CCDC85C: variants seen among roughly 807,000 people sequenced by gnomAD.
CCDC85C encodes the protein coiled-coil domain containing 85C.
Under a neutral mutation model 38.3 loss-of-function variants are expected in CCDC85C, and 18 were observed. The ratio of observed to expected loss-of-function variants is 0.47; its 90% CI spans 0.33 to 0.70. The LOEUF is 0.70. Ranked by LOEUF, CCDC85C falls within the 30% of genes least tolerant of loss-of-function variation. The pLI, the probability that CCDC85C is intolerant of heterozygous loss-of-function variation, is 0.03. For synonymous variants in CCDC85C, 264 were observed against 293.8 expected (o/e 0.90, Z 1.04); for missense variants, 566 against 621.2 (o/e 0.91, Z 0.94).
At position 99,576,860 on chromosome 14, in the gene CCDC85C, C is replaced by T. The variant is rs2139969758; in HGVS notation, c.793+26307G>A. 6.6e-6 allele frequency among the ~76,000 whole-genome samples: 1 copy of T among 152,114 alleles called. No individual in the cohort carries two copies. Among genetic ancestry groups the T allele is most frequent in the East Asian group, 2.0e-4 (1 of 5,120 alleles). On this transcript the variant is annotated intron_variant, in intron 1 of 5. Transcript: ENST00000380243. This position sits in a 1 kb window ranked among gnomAD's most constrained non-coding sequence, Gnocchi z 4.8. ...GGTAAGCAACATGCCCAAGACAGCACAGCGGGGCAGCACTCTCTCCGGGTC... is the reference window on the plus strand; with the variant it reads ...GGTAAGCAACATGCCCAAGACAGCATAGCGGGGCAGCACTCTCTCCGGGTC...
At chr14:99,573,650 G>A (rs956439638) in intron 1 of CCDC85C, among the ~76,000 whole-genome samples, 7 of 152,210 alleles carry the variant, frequency 4.6e-5, no homozygotes, top group African/African-American at 1.7e-4. Context: ...TCCAGGGCAG[G>A]GGCCTGCAGC....
intron 1 of CCDC85C, among the ~76,000 whole-genome samples, chr14:99,539,218 C>G (rs1034741887): frequency 2.6e-5 from 4 of 152,172 alleles, no homozygotes; most frequent in African/African-American, 9.7e-5. Flanking sequence ...TGCCTGCAAT[C>G]CCAGCAATTT....
chr14:99,522,498 G>C, intron 2 of CCDC85C: 1 of 343,830 alleles, frequency 2.9e-6, no homozygotes, highest in East Asian at 5.8e-5. Flanking sequence ...TAAACAGAAT[G>C]AATGAATGAA....
intron 1 of CCDC85C, among the ~76,000 whole-genome samples, chr14:99,575,013 A>G (rs543766083): frequency 1.3e-5 from 2 of 152,322 alleles, no homozygotes; most frequent in South Asian, 2.1e-4. Flanking sequence ...GAGGGGCAGA[A>G]AGACTTCCTG....
chr14:99,516,939 G>C lies in CCDC85C; in HGVS notation c.1071+149C>G, dbSNP rs1595336251. On this transcript the variant is annotated intron_variant, in intron 4 of 5. Transcript: ENST00000380243. This position sits in a 1 kb window ranked among gnomAD's most constrained non-coding sequence, Gnocchi z 5.5. The stretch of plus-strand genomic sequence containing the variant: ...CCACCTCTGAGTTCAACCTCACAGT[G>C]CTCCAGGCAGCCATGGTCACCCAGC... 10 of 731,474 alleles carry C rather than the reference G, an allele frequency of 1.4e-5. No homozygotes were observed. In the East Asian group the frequency reaches 2.4e-4, roughly 18 times the overall value. The allele number at this position is 731,474 out of a possible 1,614,324, so 45.3% of individuals were successfully genotyped here. A position where few individuals can be genotyped will look rare whatever the true frequency, so the allele number is the denominator to read the frequency against.
At chr14:99,601,479 A>G (rs955326106) in intron 1 of CCDC85C, among the ~76,000 whole-genome samples, 11 of 152,318 alleles carry the variant, frequency 7.2e-5, no homozygotes, top group Admixed American at 2.0e-4. Flanking sequence ...CCAGCCCTCC[A>G]GTGTCCTGCA....
Position 99,507,350 on chromosome 14 carries a change from G to C in CCDC85C, c.*7896C>G. The C allele has an allele frequency of 1.8e-6, 1 of 569,968 alleles. No homozygotes were observed. Among genetic ancestry groups the C allele is most frequent in the Non-Finnish European group, 3.2e-6 (1 of 316,230 alleles). The allele number at this position is 569,968 out of a possible 1,614,324, so 35.3% of individuals were successfully genotyped here. ...CCAGCACTTTGGGAGGCGGAGGCAGGAGAATCACCTGACCCCAGGAGTTCG... is the reference window on the plus strand; with the variant it reads ...CCAGCACTTTGGGAGGCGGAGGCAGCAGAATCACCTGACCCCAGGAGTTCG... On this transcript the variant is annotated 3_prime_UTR_variant, in exon 6 of 6. Transcript: ENST00000380243.
intron 1 of CCDC85C, among the ~76,000 whole-genome samples, chr14:99,554,544 C>T (rs1897975059): frequency 6.6e-6 from 1 of 152,206 alleles, no homozygotes; most frequent in Non-Finnish European, 1.5e-5. Context: ...ATGCTGCCAG[C>T]TCCAAGCAGG....
At chr14:99,586,309 G>A (rs1417626621) in intron 1 of CCDC85C, among the ~76,000 whole-genome samples, 2 of 152,244 alleles carry the variant, frequency 1.3e-5, no homozygotes, top group Non-Finnish European at 2.9e-5. Context: ...GCCATCAGCA[G>A]GCACCAGAGG....
chr14:99,518,964 C>A (rs6575724), intron 3 of CCDC85C, among the ~76,000 whole-genome samples: 151,861 of 152,208 alleles, frequency 1, 75,760 homozygotes, highest in Middle Eastern at 1. Flanking sequence ...GGGGCCCCCA[C>A]CTGTACTAGA....
At chr14:99,539,966 G>A (rs543076406) in intron 1 of CCDC85C, among the ~76,000 whole-genome samples, 5 of 152,262 alleles carry the variant, frequency 3.3e-5, no homozygotes, top group African/African-American at 9.6e-5. Flanking sequence ...GGCCAACAAG[G>A]TGAAACCCCC....
Position 99,505,461 on chromosome 14 carries a change from A to G in CCDC85C, c.*9785T>C, listed in dbSNP as rs1163107071. On this transcript the variant is annotated 3_prime_UTR_variant, in exon 6 of 6. Transcript: ENST00000380243. Reference sequence around the variant, plus strand: ...TAAGACATCTCATTAGTAAAGCTTTATATTGGTTACATGTTGAAATAAAAT... The same window carrying G: ...TAAGACATCTCATTAGTAAAGCTTTGTATTGGTTACATGTTGAAATAAAAT... 1 of 152,194 alleles carries G rather than the reference A, an allele frequency of 6.6e-6. No individual in the cohort carries two copies. The highest frequency in any genetic ancestry group is 1.5e-5 in the Non-Finnish European group (1 of 68,024). The allele number at this position is 152,194 out of a possible 1,614,324, so 9.4% of individuals were successfully genotyped here. A position where few individuals can be genotyped will look rare whatever the true frequency, so the allele number is the denominator to read the frequency against.
intron 1 of CCDC85C, among the ~76,000 whole-genome samples, chr14:99,562,206 C>T (rs1898130427): frequency 6.6e-6 from 1 of 152,130 alleles, no homozygotes; most frequent in South Asian, 2.1e-4. Flanking sequence ...TGACCCTCTG[C>T]CCCCGGGCCT....
At chr14:99,541,661 C>G (rs1258947296) in intron 1 of CCDC85C, among the ~76,000 whole-genome samples, 1 of 152,140 alleles carries the variant, frequency 6.6e-6, no homozygotes, top group Non-Finnish European at 1.5e-5. Flanking sequence ...CAGCACTGCC[C>G]AAGAGGAGAA....
At position 99,603,491 on chromosome 14, in the gene CCDC85C, C is replaced by A; in HGVS notation, c.469G>T (p.Ala157Ser). The change falls in exon 1 of 6, where the codon GCA becomes TCA. Residue 157 changes from alanine (A) to serine (S), a missense_variant. This residue lies in a region of CCDC85C where 269 missense variants were observed against 308.2 expected (regional missense o/e 0.87). Transcript: ENST00000380243. This position sits in a 1 kb window ranked among gnomAD's most constrained non-coding sequence, Gnocchi z 7.5. The stretch of plus-strand genomic sequence containing the variant: ...CTTGCGGCCCCCGTCGCCGCCAGTG[C>A]CGCGCGCTCCTCGTCCAGCAGCAGC... The part of the protein sequence containing the change: ...LVLLLDEERA[A>S]LAATGAASGG... 1 of 1,310,132 alleles carries A rather than the reference C, an allele frequency of 7.6e-7. No homozygotes were observed. The highest frequency in any genetic ancestry group is 9.6e-7 in the Non-Finnish European group (1 of 1,037,266). 81.2% of individuals were successfully genotyped at this position (1,310,132 alleles called of 1,614,324 possible).
In CCDC85C at chr14:99,520,891, C is replaced by G. The variant is rs1481468297; in HGVS notation, c.975+1242G>C. ...TCCCAAGGCTGCCTCCTCCAGGAAG[C>G]CTTCCTGAACATTCCTGAACTCTGA... On this transcript the variant is annotated intron_variant, in intron 3 of 5. Transcript: ENST00000380243. The surrounding 1 kb of genome is among the most constrained non-coding windows in gnomAD (Gnocchi z 4.1). Among the ~76,000 whole-genome samples the G allele has an allele frequency of 6.6e-6, 1 of 152,264 alleles. No homozygotes were observed. The highest frequency in any genetic ancestry group is 2.4e-5 in the African/African-American group (1 of 41,472).
chr14:99,603,536 G>C lies in CCDC85C; in HGVS notation c.424C>G (p.Leu142Val). Residue 142 changes from leucine to valine, a missense_variant, in exon 1 of 6, where the codon CTG (leucine) becomes GTG (valine). Leu to Val is a conservative substitution (Grantham distance 32). Transcript: ENST00000380243. The surrounding 1 kb of genome is among the most constrained non-coding windows in gnomAD (Gnocchi z 7.5). ...AGCAGCACCAGCTCCTTGAGCTCCA[G>C]GTTCTCGCGCAGCAGGGCCTCCTGG... is the stretch of plus-strand genomic sequence containing the variant. ...ARQEALLREN[L>V]ELKELVLLLD... 1 of 1,382,192 alleles carries C rather than the reference G, an allele frequency of 7.2e-7. No individual in the cohort carries two copies. The highest frequency in any genetic ancestry group is 9.3e-7 in the Non-Finnish European group (1 of 1,074,542). The allele number at this position is 1,382,192 out of a possible 1,614,324, so 85.6% of individuals were successfully genotyped here.
At chr14:99,556,276 G>A (rs1240266921) in intron 1 of CCDC85C, among the ~76,000 whole-genome samples, 1 of 152,106 alleles carries the variant, frequency 6.6e-6, no homozygotes, top group East Asian at 1.9e-4. Flanking sequence ...AAATTAGCCG[G>A]GCATGGTGGT....
At chr14:99,540,176 C>T (rs948978869) in intron 1 of CCDC85C, among the ~76,000 whole-genome samples, 17 of 152,134 alleles carry the variant, frequency 1.1e-4, no homozygotes, top group African/African-American at 4.1e-4. Flanking sequence ...GGATTAAACT[C>T]TTGCACCTTC....
Sources: allele counts gnomAD v4.1 joint callset (sites outside exome capture counted in the v4.1 genomes callset), GRCh38; gene constraint gnomAD v4.1.1; regional missense constraint gnomAD v4.1.1; non-coding constraint Gnocchi (gnomAD v3.1); transcripts MANE v1.5; gene names NCBI Gene and HGNC (gene_info 2026-07-23, HGNC 2026-07-21).